Variants in PTPRU observed in about 807,000 individuals in gnomAD.
PTPRU encodes receptor-type tyrosine-protein phosphatase U.
Under a neutral mutation model 166.3 loss-of-function variants are expected in PTPRU, and 69 were observed. The observed-to-expected ratio is 0.41, with a 90% confidence interval of 0.34 to 0.51. The LOEUF is 0.51. Ranked by LOEUF, PTPRU falls within the 20% of genes least tolerant of loss-of-function variation. PTPRU has a pLI of 0.09. For synonymous variants in PTPRU, 793 were observed against 814.0 expected (o/e 0.97, Z 0.44); for missense variants, 1,657 against 2,013.7 (o/e 0.82, Z 3.39).
chr1:29,323,425 G>A lies in PTPRU; in HGVS notation c.3883G>A (p.Val1295Met). 6.2e-7 allele frequency: 1 copy of A among 1,610,712 alleles called. No individual in the cohort carries two copies. Among genetic ancestry groups the A allele is most frequent in the Non-Finnish European group, 8.5e-7 (1 of 1,178,460 alleles). Residue 1295 changes from valine (V) to methionine (M), a missense_variant, in exon 27 of 30, where the codon GTG (valine) becomes ATG (methionine). This residue lies in a region of PTPRU where 1,190 missense variants were observed against 1,477.4 expected (regional missense o/e 0.81). Transcript: ENST00000373779. ...CCGGCAGCAATATGGCCTCATGGAG[G>A]TGGAGTTTATGTCGGGCACAGCTGA... ...PGRQQYGLMEVEFMSGTADED... is the reference protein window; with the variant it reads ...PGRQQYGLMEMEFMSGTADED...
chr1:29,310,587 G>A (rs1687607218), intron 18 of PTPRU, among the ~76,000 whole-genome samples, 157 bp from the exon 19 acceptor site: 1 of 152,094 alleles, frequency 6.6e-6, no homozygotes, highest in African/African-American at 2.4e-5. Context: ...GACCTGGGGG[G>A]ATGCAAAGTC....
chr1:29,263,924 C>T (rs1253559181), intron 7 of PTPRU, among the ~76,000 whole-genome samples: 5 of 152,000 alleles, frequency 3.3e-5, no homozygotes, highest in Admixed American at 2.6e-4. Flanking sequence ...TGCCTGTAAT[C>T]CCAGCACTTT....
At chr1:29,272,379 G>A (rs1035829102) in intron 7 of PTPRU, among the ~76,000 whole-genome samples, 5 of 152,098 alleles carry the variant, frequency 3.3e-5, no homozygotes, top group Admixed American at 2.6e-4. Flanking sequence ...CCTAGTGAGT[G>A]CTGAAATCTC....
At chr1:29,323,862 G>A (rs1017310065) in intron 28 of PTPRU, 74 bp downstream of exon 28, 84 of 1,531,832 alleles carry the variant, frequency 5.5e-5, no homozygotes, top group Non-Finnish European at 6.9e-5. Context: ...CTGAAAGGGT[G>A]CCAGCTTTGG....
chr1:29,275,313 T>C, intron 7 of PTPRU, 135 bp from the exon 8 acceptor site: 1 of 942,550 alleles, frequency 1.1e-6, no homozygotes, highest in Non-Finnish European at 1.6e-6. Context: ...TTTGATGTTC[T>C]AGGGGTCCCC....
intron 8 of PTPRU, among the ~76,000 whole-genome samples, chr1:29,276,477 G>A (rs1685811243): frequency 6.6e-6 from 1 of 152,062 alleles, no homozygotes; most frequent in African/African-American, 2.4e-5. Context: ...TGCCATGCCT[G>A]GCTAATTTTT....
At chr1:29,272,281 A>T (rs1253411314) in intron 7 of PTPRU, among the ~76,000 whole-genome samples, 1 of 152,240 alleles carries the variant, frequency 6.6e-6, no homozygotes, top group Non-Finnish European at 1.5e-5. Context: ...GAGCAGTGGC[A>T]GCCAGCCCCT....
chr1:29,299,271 C>T (rs1187253966), intron 15 of PTPRU, among the ~76,000 whole-genome samples: 1 of 152,212 alleles, frequency 6.6e-6, no homozygotes, highest in African/African-American at 2.4e-5. Context: ...AGAAGATGTT[C>T]CACAGTCACG....
intron 7 of PTPRU, among the ~76,000 whole-genome samples, chr1:29,268,406 G>A (rs193079441): frequency 6.6e-6 from 1 of 152,278 alleles, no homozygotes; most frequent in Non-Finnish European, 1.5e-5. Flanking sequence ...GCGGCAATGG[G>A]GTGTTACTGG....
At position 29,238,710 on chromosome 1, in the gene PTPRU, C is replaced by G. The variant is rs1175414461; in HGVS notation, c.73+1993C>G. On this transcript the variant is annotated intron_variant, in intron 1 of 29. Transcript: ENST00000373779. This position sits in a 1 kb window ranked among gnomAD's most constrained non-coding sequence, Gnocchi z 6.1. ...TCCTCCCCAACTTCTCCCCCATGTC[C>G]TGCGGCAACTTTGCCTCCCTCTCCC... Among the ~76,000 whole-genome samples the G allele has an allele frequency of 1.3e-5, 2 of 152,186 alleles. No individual in the cohort carries two copies. The highest frequency in any genetic ancestry group is 2.9e-5 in the Non-Finnish European group (2 of 68,032).
At chr1:29,325,146 C>T (rs1356710994) in intron 28 of PTPRU, 45 bp from the exon 29 acceptor site, 1 of 1,610,362 alleles carries the variant, frequency 6.2e-7, no homozygotes, top group Non-Finnish European at 8.5e-7. Flanking sequence ...TTCTTACCTT[C>T]AGGTTCCAAG....
chr1:29,281,309 C>T lies in PTPRU; in HGVS notation c.1868+1168C>T, dbSNP rs562392598. Reference sequence around the variant, plus strand: ...TCAGGGAAGACCCAGGAAAAAGTCACGGGGTCTGCAGGGCCTTTTGCCTGT... The same window carrying T: ...TCAGGGAAGACCCAGGAAAAAGTCATGGGGTCTGCAGGGCCTTTTGCCTGT... On this transcript the variant is annotated intron_variant, in intron 11 of 29. Transcript: ENST00000373779. Among the ~76,000 whole-genome samples, 8 of 152,296 alleles carry T rather than the reference C, an allele frequency of 5.3e-5. No homozygotes were observed. The South Asian group carries it at 1.2e-3, about 24-fold the overall frequency.
At chr1:29,288,614 T>G in intron 14 of PTPRU, among the ~76,000 whole-genome samples, 1 of 152,078 alleles carries the variant, frequency 6.6e-6, no homozygotes, top group East Asian at 1.9e-4. Flanking sequence ...AGCTCCTGCC[T>G]TTGCTGGTCC....
chr1:29,302,151 ATG>A lies in PTPRU; in HGVS notation c.2477-1672_2477-1671del, dbSNP rs138316498. Among the ~76,000 whole-genome samples, 1,103 of 141,996 alleles carry A rather than the reference ATG, an allele frequency of 7.8e-3. 6 individuals carry two copies. The highest frequency in any genetic ancestry group is 0.016 in the African/African-American group (629 of 38,864). 93.2% of individuals were successfully genotyped at this position (141,996 alleles called of 152,430 possible). ...CCTGTGCAGGCCTAGGCTAATGTGTATGTGTGTGTGTGTGTGTGTGTGTGTGT... is the reference window on the plus strand; with the variant it reads ...CCTGTGCAGGCCTAGGCTAATGTGTATGTGTGTGTGTGTGTGTGTGTGTGT... On this transcript the variant is annotated intron_variant, in intron 15 of 29. Coordinates refer to ENST00000373779, the MANE Select transcript of PTPRU (RefSeq NM_133178.4).
rs1683829596 is a variant in PTPRU at position 29,237,615 on chromosome 1, G to A, written c.73+898G>A. Among the ~76,000 whole-genome samples, 1 of 151,582 alleles carries A rather than the reference G, an allele frequency of 6.6e-6. No homozygotes were observed. ...TGGGCCGGAACAAGTTGTCGCGGCGGCGCCCCCTGGGCTGCCCGGGTCGGG... is the reference window on the plus strand; with the variant it reads ...TGGGCCGGAACAAGTTGTCGCGGCGACGCCCCCTGGGCTGCCCGGGTCGGG... On this transcript the variant is annotated intron_variant, in intron 1 of 29. Transcript: ENST00000373779. The surrounding 1 kb of genome is among the most constrained non-coding windows in gnomAD (Gnocchi z 6.4).
At chr1:29,265,852 G>C (rs960413015) in intron 7 of PTPRU, among the ~76,000 whole-genome samples, 1 of 151,972 alleles carries the variant, frequency 6.6e-6, no homozygotes, top group African/African-American at 2.4e-5. Context: ...TTTCCTCCCA[G>C]TAGCTTGTCC....
intron 15 of PTPRU, among the ~76,000 whole-genome samples, chr1:29,303,001 A>T (rs1296518882): frequency 2.0e-5 from 3 of 152,254 alleles, no homozygotes; most frequent in Non-Finnish European, 2.9e-5. Flanking sequence ...TCCATGGAGT[A>T]GGCTCTACTA....
chr1:29,324,932 C>T (rs983706265), intron 28 of PTPRU, among the ~76,000 whole-genome samples: 4 of 151,550 alleles, frequency 2.6e-5, no homozygotes, highest in Non-Finnish European at 5.9e-5. Flanking sequence ...TTTCCTAGCT[C>T]TGCCCCTCAT....
intron 13 of PTPRU, 25 bp from the exon 14 acceptor site, chr1:29,284,706 C>T: frequency 6.2e-7 from 1 of 1,613,982 alleles, no homozygotes; most frequent in East Asian, 2.2e-5. Flanking sequence ...TCCTCTGATC[C>T]CTTGTTCTGC....
Sources: allele counts gnomAD v4.1 joint callset (sites outside exome capture counted in the v4.1 genomes callset), GRCh38; gene constraint gnomAD v4.1.1; regional missense constraint gnomAD v4.1.1; non-coding constraint Gnocchi (gnomAD v3.1); transcripts MANE v1.5; gene names NCBI Gene and HGNC (gene_info 2026-07-23, HGNC 2026-07-21).